The following POU2F1 variants were observed in gnomAD, a reference collection of about 807,000 sequenced individuals.
POU2F1 encodes POU domain, class 2, transcription factor 1.
In POU2F1, 16 loss-of-function variants were observed where a neutral mutation model predicts 84.9. The ratio of observed to expected loss-of-function variants is 0.19; its 90% CI spans 0.13 to 0.29. The LOEUF (loss-of-function observed/expected upper bound fraction) is 0.29, where lower values mean the gene tolerates loss of function less well. Ranked by LOEUF, POU2F1 falls within the 10% of genes least tolerant of loss-of-function variation. The pLI is 1.00. For synonymous variants in POU2F1, 368 were observed against 368.3 expected (o/e 1.00, Z 0.01); for missense variants, 738 against 942.6 (o/e 0.78, Z 2.84).
chr1:167,285,550 G>A (rs914287929), intron 1 of POU2F1, among the ~76,000 whole-genome samples: 2 of 151,246 alleles, frequency 1.3e-5, no homozygotes, highest in Non-Finnish European at 2.9e-5. Flanking sequence ...CTGAGATCGC[G>A]CCACTGCACT....
intron 1 of POU2F1, among the ~76,000 whole-genome samples, chr1:167,255,220 CTG>C (rs1316824065): frequency 6.6e-6 from 1 of 152,142 alleles, no homozygotes; most frequent in African/African-American, 2.4e-5. Flanking sequence ...GTAAGAGAAA[CTG>C]TTGGTATAGT....
chr1:167,404,345 T>C (rs1245915933), intron 13 of POU2F1, among the ~76,000 whole-genome samples: 1 of 152,152 alleles, frequency 6.6e-6, no homozygotes, highest in Non-Finnish European at 1.5e-5. Flanking sequence ...TTCCTGACAT[T>C]GTGTAGCTTC....
intron 1 of POU2F1, among the ~76,000 whole-genome samples, chr1:167,239,487 G>A (rs1289791301): frequency 6.6e-6 from 1 of 152,148 alleles, no homozygotes; most frequent in Non-Finnish European, 1.5e-5. Context: ...TCGTACCACA[G>A]GTATACATAC....
At chr1:167,404,200 G>T in intron 13 of POU2F1, among the ~76,000 whole-genome samples, 1 of 150,574 alleles carries the variant, frequency 6.6e-6, no homozygotes, top group South Asian at 2.1e-4. Context: ...TTTAAGTTAG[G>T]ATTTTTTGGC....
rs148802820 is a variant in POU2F1 at position 167,389,588 on chromosome 1, C to G, written c.814C>G (p.Pro272Ala). 402 of 1,614,068 alleles carry G rather than the reference C, an allele frequency of 2.5e-4. No homozygotes were observed. The highest frequency in any genetic ancestry group is 3.3e-4 in the Non-Finnish European group (385 of 1,179,952). Residue 272 changes from proline to alanine, a missense_variant and splice_region_variant, in exon 9 of 16, where the codon CCA (proline) becomes GCA (alanine). Transcript: ENST00000367866. ...CATTGTTTTATTCTTTCTCCAACAG[C>G]CAGCAACCCCAACACGCACAATAGC... Reference protein sequence around the residue: ...SQPSITLTSQPATPTRTIAAT... With the variant: ...SQPSITLTSQAATPTRTIAAT...
intron 1 of POU2F1, among the ~76,000 whole-genome samples, chr1:167,285,805 G>C (rs1460471333): frequency 6.6e-6 from 1 of 152,058 alleles, no homozygotes; most frequent in Non-Finnish European, 1.5e-5. Context: ...GTTGATTTAG[G>C]ACAGATACTC....
intron 5 of POU2F1, 48 bp downstream of exon 5, chr1:167,372,084 C>T: frequency 1.3e-6 from 2 of 1,583,408 alleles, no homozygotes; most frequent in Admixed American, 1.8e-5. Flanking sequence ...TGTGTCAGAA[C>T]TGCCATTGGC....
At chr1:167,395,442 G>A (rs773470502) in intron 9 of POU2F1, among the ~76,000 whole-genome samples, 4 of 151,918 alleles carry the variant, frequency 2.6e-5, no homozygotes, top group Non-Finnish European at 5.9e-5. Context: ...TTTTCACTGC[G>A]TCCAGAAATA....
chr1:167,243,377 G>A (rs1036934534), intron 1 of POU2F1, among the ~76,000 whole-genome samples: 9 of 152,206 alleles, frequency 5.9e-5, no homozygotes, highest in East Asian at 3.8e-4. Flanking sequence ...GGAATCTGTC[G>A]ATTTATGTAA....
At chr1:167,269,300 T>A (rs1652193941) in intron 1 of POU2F1, among the ~76,000 whole-genome samples, 1 of 152,244 alleles carries the variant, frequency 6.6e-6, no homozygotes, top group Non-Finnish European at 1.5e-5. Context: ...AAATGTCAGT[T>A]ACGTTTGCAA....
chr1:167,346,643 T>C (rs1455493799), intron 2 of POU2F1, among the ~76,000 whole-genome samples: 1 of 152,124 alleles, frequency 6.6e-6, no homozygotes, highest in Non-Finnish European at 1.5e-5. Context: ...TTCACGCGCC[T>C]ATGAGAATCT....
chr1:167,403,167 A>T lies in POU2F1; in HGVS notation c.1555+1611A>T, dbSNP rs202080129. On this transcript the variant is annotated intron_variant, in intron 13 of 15. Transcript: ENST00000367866. ...ACGTTGATAATTTTTCCTGGAGTGA[A>T]TTTTTTTTAATTATTAAAAACATTA... Among the ~76,000 whole-genome samples the T allele has an allele frequency of 4.3e-4, 65 of 152,102 alleles. 1 individual carries two copies. The East Asian group carries it at 0.011, about 26-fold the overall frequency.
chr1:167,266,088 A>T (rs1651931127), intron 1 of POU2F1, among the ~76,000 whole-genome samples: 1 of 152,248 alleles, frequency 6.6e-6, no homozygotes, highest in South Asian at 2.1e-4. Context: ...CCACCTTCAC[A>T]ATAGTTCTCT....
At chr1:167,344,357 CAATT>C (rs1164661142) in intron 2 of POU2F1, among the ~76,000 whole-genome samples, 4 of 152,058 alleles carry the variant, frequency 2.6e-5, no homozygotes, top group Admixed American at 6.6e-5. Flanking sequence ...TTGAATTTGA[CAATT>C]AGTTACTGTG....
intron 1 of POU2F1, among the ~76,000 whole-genome samples, chr1:167,228,903 C>A (rs976531723): frequency 1.3e-5 from 2 of 152,184 alleles, no homozygotes; most frequent in African/African-American, 4.8e-5. Context: ...TTCTCATTTT[C>A]ATTACCTCAG....
At chr1:167,224,863 C>G (rs1375075084) in intron 1 of POU2F1, among the ~76,000 whole-genome samples, 3 of 136,850 alleles carry the variant, frequency 2.2e-5, no homozygotes, top group African/African-American at 5.5e-5. Flanking sequence ...GAGTCTTGCT[C>G]TGTCTCCCAG....
chr1:167,360,477 G>A (rs994588388), intron 2 of POU2F1, among the ~76,000 whole-genome samples: 7 of 152,084 alleles, frequency 4.6e-5, no homozygotes, highest in African/African-American at 1.7e-4. Context: ...TATTTTTCTT[G>A]ACTGTGTCAA....
At chr1:167,302,558 A>G (rs1212260091) in intron 1 of POU2F1, among the ~76,000 whole-genome samples, 1 of 152,144 alleles carries the variant, frequency 6.6e-6, no homozygotes, top group Non-Finnish European at 1.5e-5. Flanking sequence ...CGCCTGGCCA[A>G]CAACTCCTTT....
chr1:167,350,104 C>T (rs1658456663), intron 2 of POU2F1, among the ~76,000 whole-genome samples: 1 of 152,148 alleles, frequency 6.6e-6, no homozygotes, highest in Non-Finnish European at 1.5e-5. Flanking sequence ...GAAAAGATTA[C>T]ATACACATCA....
Sources: allele counts gnomAD v4.1 joint callset (sites outside exome capture counted in the v4.1 genomes callset), GRCh38; gene constraint gnomAD v4.1.1; transcripts MANE v1.5; gene names NCBI Gene and HGNC (gene_info 2026-07-23, HGNC 2026-07-21).